Variants in CLTCL1 observed in about 807,000 individuals in gnomAD.
The protein encoded by CLTCL1 is clathrin heavy chain 2.
Under a neutral mutation model 190.0 loss-of-function variants are expected in CLTCL1, and 159 were observed. That is an observed-to-expected ratio of 0.84 (90% CI 0.74 to 0.95). The LOEUF (loss-of-function observed/expected upper bound fraction) is 0.95, where lower values mean the gene tolerates loss of function less well. CLTCL1 is among the 40% of genes least tolerant of loss of function. CLTCL1 has a pLI of 0.00. For missense variants in CLTCL1, 1,878 were observed against 2,033.4 expected (o/e 0.92, Z 1.47); for synonymous variants, 752 against 769.6 (o/e 0.98, Z 0.38).
chr22:19,204,454 C>A (rs1476186408), intron 22 of CLTCL1, among the ~76,000 whole-genome samples: 3 of 152,196 alleles, frequency 2.0e-5, no homozygotes, highest in African/African-American at 7.2e-5. Flanking sequence ...GTCACACCCA[C>A]ACCGTTCCAA....
At chr22:19,258,026 G>A (rs1002885975) in intron 2 of CLTCL1, 2 of 505,616 alleles carry the variant, frequency 4.0e-6, no homozygotes, top group Non-Finnish European at 7.6e-6. Context: ...AGTCAAGTAT[G>A]AGACAGAGCT....
chr22:19,194,002 C>T (rs1412065630), intron 26 of CLTCL1, among the ~76,000 whole-genome samples: 1 of 152,186 alleles, frequency 6.6e-6, no homozygotes, highest in Non-Finnish European at 1.5e-5. Context: ...GCTTTTATTC[C>T]CTTATTTGGC....
intron 11 of CLTCL1, among the ~76,000 whole-genome samples, 188 bp from the exon 12 acceptor site, chr22:19,226,571 A>C (rs2085753209): frequency 6.6e-6 from 1 of 152,176 alleles, no homozygotes; most frequent in Admixed American, 6.5e-5. Flanking sequence ...CCTTCAAGCC[A>C]TCTTAGGCCC....
chr22:19,284,824 C>G (rs1238353140), intron 1 of CLTCL1, among the ~76,000 whole-genome samples: 2 of 151,736 alleles, frequency 1.3e-5, no homozygotes, highest in East Asian at 1.9e-4. Flanking sequence ...CATGGTGGCA[C>G]GCACCTGTAG....
chr22:19,203,677 T>C (rs1252592640), intron 22 of CLTCL1, among the ~76,000 whole-genome samples: 1 of 151,876 alleles, frequency 6.6e-6, no homozygotes, highest in Non-Finnish European at 1.5e-5. Context: ...ACTGCCATGC[T>C]CTCCCACACA....
chr22:19,269,994 T>C (rs1426151348), intron 2 of CLTCL1, among the ~76,000 whole-genome samples: 3 of 149,448 alleles, frequency 2.0e-5, no homozygotes, highest in African/African-American at 4.9e-5. Context: ...AAAGAAAATA[T>C]GTCCACACAA....
rs190432220 is a variant in CLTCL1 at position 19,183,852 on chromosome 22, G to C, written c.4606-241C>G. On this transcript the variant is annotated intron_variant, in intron 29 of 32. Coordinates refer to ENST00000427926, the MANE Select transcript of CLTCL1 (RefSeq NM_007098.4). ...GCTCACGGAGGCGCAGGTGCCCTGG[G>C]AGACAGGAACTCTAGCCCCGAGGGC... is the stretch of plus-strand genomic sequence containing the variant. 4.9e-3 allele frequency: 2,642 copies of C among 541,922 alleles called. 10 individuals are homozygous for C. Among genetic ancestry groups the C allele is most frequent in the Admixed American group, 7.4e-3 (237 of 31,952 alleles). 33.6% of individuals were successfully genotyped at this position (541,922 alleles called of 1,614,324 possible).
intron 29 of CLTCL1, chr22:19,184,275 C>T (rs2084237825): frequency 2.9e-6 from 1 of 340,946 alleles, no homozygotes; most frequent in African/African-American, 2.2e-5. Flanking sequence ...CAGATGTAGT[C>T]ACTTGCCCAG....
At chr22:19,204,436 T>C (rs1555941645) in intron 22 of CLTCL1, among the ~76,000 whole-genome samples, 2 of 152,192 alleles carry the variant, frequency 1.3e-5, no homozygotes, top group African/African-American at 2.4e-5. Context: ...AAAACCAGAA[T>C]GTCCACTGTC....
At chr22:19,225,752 C>T (rs1555955629) in intron 12 of CLTCL1, 119 bp from the exon 13 acceptor site, 28 of 967,152 alleles carry the variant, frequency 2.9e-5, no homozygotes, top group Non-Finnish European at 4.4e-6. Context: ...AGAATTTCCA[C>T]ATAAAGGGGT....
At chr22:19,266,073 G>T (rs562348378) in intron 2 of CLTCL1, among the ~76,000 whole-genome samples, 1 of 152,144 alleles carries the variant, frequency 6.6e-6, no homozygotes, top group African/African-American at 2.4e-5. Context: ...TGTAGAGATG[G>T]AGTCTCCCTA....
At position 19,184,509 on chromosome 22, in the gene CLTCL1, G is replaced by A. The variant is rs1002775487; in HGVS notation, c.4606-898C>T. 2.0e-5 allele frequency: 9 copies of A among 456,042 alleles called. 1 individual carries two copies. Among genetic ancestry groups the A allele is most frequent in the African/African-American group, 2.0e-5 (1 of 50,164 alleles). The allele number at this position is 456,042 out of a possible 1,614,324, so 28.2% of individuals were successfully genotyped here. On this transcript the variant is annotated intron_variant, in intron 29 of 32. Transcript: ENST00000427926. ...CTCCCCCGCTGGCATGCTGCTCATCGATCGCTGCCTCCTGACCCACACTGT... is the reference window on the plus strand; with the variant it reads ...CTCCCCCGCTGGCATGCTGCTCATCAATCGCTGCCTCCTGACCCACACTGT...
intron 16 of CLTCL1, 130 bp downstream of exon 16, chr22:19,221,821 A>G: frequency 9.2e-7 from 1 of 1,087,918 alleles, no homozygotes; most frequent in East Asian, 2.5e-5. Flanking sequence ...AATAGCAAGT[A>G]ACTCATTGCT....
At chr22:19,280,557 G>A (rs782061974) in intron 1 of CLTCL1, among the ~76,000 whole-genome samples, 2 of 152,028 alleles carry the variant, frequency 1.3e-5, no homozygotes, top group Non-Finnish European at 1.5e-5. Context: ...GATGGCTCAC[G>A]CCTGTAATTC....
chr22:19,232,866 C>T, intron 9 of CLTCL1: 1 of 564,814 alleles, frequency 1.8e-6, no homozygotes, highest in South Asian at 2.5e-5. Flanking sequence ...AGTAAGCACA[C>T]AGGGATAAGA....
chr22:19,253,220 T>C (rs570788914), intron 3 of CLTCL1, among the ~76,000 whole-genome samples: 5 of 152,252 alleles, frequency 3.3e-5, no homozygotes, highest in Admixed American at 3.3e-4. Context: ...GCTGGGACTT[T>C]GATACAATAC....
chr22:19,208,250 A>G lies in CLTCL1; in HGVS notation c.3504T>C (p.Tyr1168=). 6.2e-7 allele frequency: 1 copy of G among 1,613,834 alleles called. No homozygotes were observed. The change falls in exon 22 of 33, where the codon TAT becomes TAC. Residue 1168 remains tyrosine, a synonymous_variant. Coordinates refer to ENST00000427926, the MANE Select transcript of CLTCL1 (RefSeq NM_007098.4). ...AGGCAAAAATAAGTTCAGTCTCTATATAGGACTCACGGCCCTTTTTCCTGG... is the reference window on the plus strand; with the variant it reads ...AGGCAAAAATAAGTTCAGTCTCTATGTAGGACTCACGGCCCTTTTTCCTGG... ...QMARKKGRES[Y]IETELIFALA...
chr22:19,287,064 C>T (rs894908742), intron 1 of CLTCL1, among the ~76,000 whole-genome samples: 3 of 152,160 alleles, frequency 2.0e-5, no homozygotes, highest in Non-Finnish European at 2.9e-5. Flanking sequence ...TTACTTAGGG[C>T]TCAAGAAAAT....
chr22:19,233,460 G>A lies in CLTCL1; in HGVS notation c.1330C>T (p.Arg444Cys), dbSNP rs199851764. Residue 444 changes from arginine (R) to cysteine (C), a missense_variant, in exon 8 of 33, where the codon CGT (arginine) becomes TGT (cysteine). Transcript: ENST00000427926. ...AGCCACTTCTCTAGGAGTTGCTTAC[G>A]CCCCTGCTGAAGAACCAGATGGCAA... The part of the protein sequence containing the change: ...ELCHLVLQQG[R>C]KQLLEKWLKE... The A allele has an allele frequency of 6.3e-5, 102 of 1,613,696 alleles. 1 individual carries two copies. The Middle Eastern group carries it at 1.6e-3, about 26-fold the overall frequency.
Sources: allele counts gnomAD v4.1 joint callset (sites outside exome capture counted in the v4.1 genomes callset), GRCh38; gene constraint gnomAD v4.1.1; transcripts MANE v1.5; gene names NCBI Gene and HGNC (gene_info 2026-07-23, HGNC 2026-07-21).